The following ZC3H8 variants were observed in gnomAD, a reference collection of about 807,000 sequenced individuals.
ZC3H8 encodes zinc finger CCCH-type containing 8, also known as zinc finger CCCH domain-containing protein 8.
Under a neutral mutation model 42.5 loss-of-function variants are expected in ZC3H8, and 27 were observed. The observed-to-expected ratio is 0.64, with a 90% CI of 0.47 to 0.88. The LOEUF is 0.88. Ranked by LOEUF, ZC3H8 falls within the 40% of genes least tolerant of loss-of-function variation. ZC3H8 has a pLI of 0.00. For synonymous variants in ZC3H8, 101 were observed against 110.1 expected (o/e 0.92, Z 0.52); for missense variants, 277 against 336.1 (o/e 0.82, Z 1.37).
intron 2 of ZC3H8, among the ~76,000 whole-genome samples, chr2:112,249,436 G>GT (rs1685869871): frequency 2.6e-5 from 4 of 151,792 alleles, no homozygotes; most frequent in African/African-American, 4.8e-5. Context: ...AAGTTCTGGG[G>GT]TTTTTTTTGT....
intron 1 of ZC3H8, among the ~76,000 whole-genome samples, chr2:112,253,024 C>T (rs536393603): frequency 3.3e-5 from 5 of 152,138 alleles, no homozygotes; most frequent in Admixed American, 6.5e-5. Context: ...GTCCCAGCTA[C>T]TCGGGAGGCT....
At chr2:112,241,200 C>G (rs1685571126) in intron 2 of ZC3H8, among the ~76,000 whole-genome samples, 1 of 152,084 alleles carries the variant, frequency 6.6e-6, no homozygotes, top group East Asian at 1.9e-4. Context: ...AACAAATTCT[C>G]TCTGCCCTCT....
chr2:112,252,651 T>C (rs1369628778), intron 1 of ZC3H8, among the ~76,000 whole-genome samples: 2 of 152,062 alleles, frequency 1.3e-5, no homozygotes, highest in Admixed American at 1.3e-4. Context: ...AAGTCCCTCT[T>C]ACTCCACCCC....
chr2:112,214,441 T>C lies in ZC3H8; in HGVS notation c.*2043A>G, dbSNP rs773024078. ...TTTCCCATACAACTTTCTGGCTTTA[T>C]TTCTCCTGGTTTGAATTTTTTAGAC... On this transcript the variant is annotated 3_prime_UTR_variant, in exon 9 of 9. Coordinates refer to ENST00000409573, the MANE Select transcript of ZC3H8 (RefSeq NM_032494.3). 4.6e-5 allele frequency: 7 copies of C among 152,132 alleles called. No homozygotes were observed. Among genetic ancestry groups the C allele is most frequent in the Non-Finnish European group, 8.8e-5 (6 of 68,048 alleles). The allele number at this position is 152,132 out of a possible 1,614,324, so 9.4% of individuals were successfully genotyped here.
intron 8 of ZC3H8, among the ~76,000 whole-genome samples, chr2:112,218,245 T>C (rs1020130898): frequency 6.6e-6 from 1 of 152,184 alleles, no homozygotes; most frequent in Non-Finnish European, 1.5e-5. Flanking sequence ...TTGTTACTGC[T>C]TCATCAAGGA....
chr2:112,247,239 C>T (rs1328719986), intron 2 of ZC3H8, among the ~76,000 whole-genome samples: 1 of 152,112 alleles, frequency 6.6e-6, no homozygotes. Context: ...TGAGGTAATG[C>T]TCTTTCTTAA....
intron 3 of ZC3H8, among the ~76,000 whole-genome samples, chr2:112,237,502 C>T (rs1212526075): frequency 2.6e-5 from 4 of 152,056 alleles, no homozygotes; most frequent in South Asian, 2.1e-4. Flanking sequence ...ACTGGAGCCT[C>T]GAACTCCTGG....
Position 112,245,137 on chromosome 2 carries a change from C to A in ZC3H8, c.156+5054G>T, listed in dbSNP as rs374201491. On this transcript the variant is annotated intron_variant, in intron 2 of 8. Coordinates refer to ENST00000409573, the MANE Select transcript of ZC3H8 (RefSeq NM_032494.3). ...AGTGAACACACTAATGATATGAACACAAAACAGCCTTATTGCTGATACAGA... is the reference window on the plus strand; with the variant it reads ...AGTGAACACACTAATGATATGAACAAAAAACAGCCTTATTGCTGATACAGA... Among the ~76,000 whole-genome samples the A allele has an allele frequency of 2.6e-5, 4 of 152,328 alleles. No homozygotes were observed. The East Asian group carries it at 5.8e-4, about 22-fold the overall frequency.
chr2:112,232,489 TTATAA>T (rs1000501391), intron 6 of ZC3H8, among the ~76,000 whole-genome samples: 8 of 152,166 alleles, frequency 5.3e-5, no homozygotes, highest in Non-Finnish European at 1.0e-4. Context: ...ATATCCATTC[TTATAA>T]TAGAGTACAG....
At chr2:112,230,108 T>A (rs1159548493) in intron 8 of ZC3H8, among the ~76,000 whole-genome samples, 1 of 152,186 alleles carries the variant, frequency 6.6e-6, no homozygotes, top group Admixed American at 6.5e-5. Context: ...TCACCAAAGA[T>A]GAAACTCAAA....
chr2:112,247,872 G>A (rs1315757079), intron 2 of ZC3H8, among the ~76,000 whole-genome samples: 1 of 152,210 alleles, frequency 6.6e-6, no homozygotes, highest in Non-Finnish European at 1.5e-5. Context: ...AAACTTGTGG[G>A]AAGTTGAAGT....
At chr2:112,244,065 A>C (rs1685677210) in intron 2 of ZC3H8, among the ~76,000 whole-genome samples, 1 of 152,048 alleles carries the variant, frequency 6.6e-6, no homozygotes. Flanking sequence ...AAAGGATATG[A>C]ATAAATAATC....
At chr2:112,225,689 T>C (rs997309907) in intron 8 of ZC3H8, among the ~76,000 whole-genome samples, 1 of 151,900 alleles carries the variant, frequency 6.6e-6, no homozygotes, top group African/African-American at 2.4e-5. Context: ...TGGTGGTAAG[T>C]GCTTGTAGTC....
chr2:112,231,785 A>T, intron 7 of ZC3H8, 53 bp downstream of exon 7: 1 of 1,187,226 alleles, frequency 8.4e-7, no homozygotes, highest in Non-Finnish European at 1.2e-6. Flanking sequence ...TCCTTAGTTC[A>T]AACATATTCC....
chr2:112,245,435 C>T (rs571496148), intron 2 of ZC3H8, among the ~76,000 whole-genome samples: 26 of 152,304 alleles, frequency 1.7e-4, no homozygotes, highest in African/African-American at 6.3e-4. Flanking sequence ...GGGCAGATCA[C>T]TTGAGGCCAG....
At position 112,230,927 on chromosome 2, in the gene ZC3H8, T is replaced by C. The variant is rs1423442636; in HGVS notation, c.867A>G (p.Ser289=). 7.8e-7 allele frequency: 1 copy of C among 1,276,108 alleles called. No individual in the cohort carries two copies. The highest frequency in any genetic ancestry group is 1.0e-6 in the Non-Finnish European group (1 of 973,214). The allele number at this position is 1,276,108 out of a possible 1,614,324, so 79.0% of individuals were successfully genotyped here. Residue 289 remains serine, a synonymous_variant, in exon 8 of 9, where the codon TCA becomes TCG. Transcript: ENST00000409573. ...LAKVLDTEKK[S]CK Reference sequence around the variant, plus strand: ...CCTTTTTATGTCTATTTTATTTACATGACTTCTTTTCAGTATCCAAAACCT... The same window carrying C: ...CCTTTTTATGTCTATTTTATTTACACGACTTCTTTTCAGTATCCAAAACCT...
At chr2:112,229,173 ATT>A (rs1684985556) in intron 8 of ZC3H8, among the ~76,000 whole-genome samples, 1 of 152,194 alleles carries the variant, frequency 6.6e-6, no homozygotes, top group Admixed American at 6.5e-5. Flanking sequence ...CAAAAGGGGT[ATT>A]ACAGGTTAGT....
intron 2 of ZC3H8, among the ~76,000 whole-genome samples, chr2:112,247,066 A>G (rs185016331): frequency 4.1e-4 from 63 of 152,336 alleles, no homozygotes; most frequent in African/African-American, 1.4e-3. Context: ...TTTAATTAAG[A>G]TATATACTGT....
At chr2:112,238,643 G>A in intron 2 of ZC3H8, 115 bp from the exon 3 acceptor site, 2 of 759,908 alleles carry the variant, frequency 2.6e-6, no homozygotes, top group Non-Finnish European at 2.1e-6. Context: ...TGGGTAATAG[G>A]TACATGGGAT....
Sources: allele counts gnomAD v4.1 joint callset (sites outside exome capture counted in the v4.1 genomes callset), GRCh38; gene constraint gnomAD v4.1.1; transcripts MANE v1.5; gene names NCBI Gene and HGNC (gene_info 2026-07-23, HGNC 2026-07-21).